Variants in TCTN3 observed in about 807,000 individuals in gnomAD.
TCTN3 encodes tectonic-3.
TCTN3 carries 57 observed loss-of-function variants against 71.3 expected under a neutral mutation model. The ratio of observed to expected loss-of-function variants is 0.80; its 90% CI spans 0.65 to 1.00. TCTN3 has a LOEUF of 1.00. Ranked by LOEUF, TCTN3 falls within the 50% of genes least tolerant of loss-of-function variation. TCTN3 has a pLI of 0.00. For synonymous variants in TCTN3, 258 were observed against 267.8 expected, an observed-to-expected ratio of 0.96 and a Z score of 0.36; for missense variants, 696 against 719.9, an observed-to-expected ratio of 0.97 and a Z score of 0.38.
chr10:95,680,777 T>TC (rs1441923275), intron 12 of TCTN3, among the ~76,000 whole-genome samples, 168 bp from the exon 13 acceptor site: 1 of 132,862 alleles, frequency 7.5e-6, no homozygotes, highest in African/African-American at 2.8e-5. Flanking sequence ...TTATTCCTGA[T>TC]CTTTTTTTTT....
chr10:95,673,274 T>C (rs1441905312), intron 13 of TCTN3, among the ~76,000 whole-genome samples: 1 of 152,148 alleles, frequency 6.6e-6, no homozygotes, highest in Non-Finnish European at 1.5e-5. Flanking sequence ...AAACTTACAG[T>C]CTCTTATGTT....
chr10:95,672,228 G>T (rs1259799608), intron 13 of TCTN3, among the ~76,000 whole-genome samples: 1 of 126,792 alleles, frequency 7.9e-6, no homozygotes, highest in Non-Finnish European at 1.7e-5. Flanking sequence ...GTTGTTTTGT[G>T]TATCAGTAAT....
At chr10:95,692,311 T>G (rs2097954264) in intron 3 of TCTN3, among the ~76,000 whole-genome samples, 1 of 152,026 alleles carries the variant, frequency 6.6e-6, no homozygotes, top group South Asian at 2.1e-4. Context: ...ATCAAGACCA[T>G]CCTGGCCAAC....
At position 95,685,652 on chromosome 10, in the gene TCTN3, A is replaced by G; in HGVS notation, c.889-16T>C. ...GAACCTGGAACTAGCAACGAAAAGA[A>G]GCAAATTAACTAAAACTGAAGGCGG... is the stretch of plus-strand genomic sequence containing the variant. On this transcript the variant is annotated splice_polypyrimidine_tract_variant and intron_variant, in intron 7 of 13. Transcript: ENST00000371217. 6.5e-7 allele frequency: 1 copy of G among 1,544,506 alleles called. No homozygotes were observed. The highest frequency in any genetic ancestry group is 8.8e-7 in the Non-Finnish European group (1 of 1,140,660).
chr10:95,677,803 A>T (rs1258314866), intron 13 of TCTN3, among the ~76,000 whole-genome samples: 1 of 152,144 alleles, frequency 6.6e-6, no homozygotes, highest in African/African-American at 2.4e-5. Flanking sequence ...CTAAAAGTGG[A>T]TATCACCATT....
intron 12 of TCTN3, among the ~76,000 whole-genome samples, chr10:95,681,675 A>G (rs1034949773): frequency 6.6e-6 from 1 of 152,250 alleles, no homozygotes; most frequent in South Asian, 2.1e-4. Context: ...ATTTTTAACC[A>G]GATAATGCAT....
At chr10:95,675,372 GTGAGCCACCA>G (rs1443209487) in intron 13 of TCTN3, among the ~76,000 whole-genome samples, 7 of 152,236 alleles carry the variant, frequency 4.6e-5, no homozygotes, top group African/African-American at 9.6e-5. Flanking sequence ...GATTACAGGT[GTGAGCCACCA>G]TGCCTGGCCG....
At position 95,682,904 on chromosome 10, in the gene TCTN3, T is replaced by C; in HGVS notation, c.1299-100A>G. The C allele has an allele frequency of 4.1e-6, 6 of 1,454,340 alleles. No homozygotes were observed. The South Asian group carries it at 8.1e-5, about 20-fold the overall frequency. The allele number at this position is 1,454,340 out of a possible 1,614,324, so 90.1% of individuals were successfully genotyped here. A position where few individuals can be genotyped will look rare whatever the true frequency, so the allele number is the denominator to read the frequency against. On this transcript the variant is annotated intron_variant, in intron 11 of 13. Transcript: ENST00000371217. Reference sequence around the variant, plus strand: ...ACCAAACATTGGAAATAATATAAAATAGACCAGAGGGTATAATCCTTAGTA... The same window carrying C: ...ACCAAACATTGGAAATAATATAAAACAGACCAGAGGGTATAATCCTTAGTA...
chr10:95,680,817 C>T (rs1436050472), intron 12 of TCTN3, among the ~76,000 whole-genome samples: 1 of 144,792 alleles, frequency 6.9e-6, no homozygotes, highest in African/African-American at 2.6e-5. Flanking sequence ...CTCGCACTGT[C>T]ACCCAGGCTG....
chr10:95,681,487 C>G (rs973732369), intron 12 of TCTN3, among the ~76,000 whole-genome samples: 10 of 152,112 alleles, frequency 6.6e-5, no homozygotes, highest in Non-Finnish European at 1.5e-5. Context: ...AATACAGGAG[C>G]AGTGTAAAGT....
At position 95,664,408 on chromosome 10, in the gene TCTN3, A is replaced by G. The variant is rs892023924; in HGVS notation, c.1591-108T>C. On this transcript the variant is annotated intron_variant, in intron 13 of 13. Transcript: ENST00000371217. ...CTGAAGAGAGAAATGAATTATTCTA[A>G]GCAAGATATACCTTTATCTCATATT... The G allele has an allele frequency of 5.4e-6, 5 of 919,320 alleles. No homozygotes were observed. In the Admixed American group the frequency reaches 6.3e-5, roughly 12 times the overall value. 56.9% of individuals were successfully genotyped at this position (919,320 alleles called of 1,614,324 possible). A position where few individuals can be genotyped will look rare whatever the true frequency, so the allele number is the denominator to read the frequency against.
Position 95,687,097 on chromosome 10 carries a change from T to A in TCTN3, c.799A>T (p.Thr267Ser). The A allele has an allele frequency of 6.2e-7, 1 of 1,614,224 alleles. No homozygotes were observed. The highest frequency in any genetic ancestry group is 8.5e-7 in the Non-Finnish European group (1 of 1,180,030). Reference sequence around the variant, plus strand: ...GCAGCATTGAGGGCTGAATCCAAGGTACAGCTACTAGCCAGGTTCTTGAAA... The same window carrying A: ...GCAGCATTGAGGGCTGAATCCAAGGAACAGCTACTAGCCAGGTTCTTGAAA... ...RFFKNLASSC[T>S]LDSALNAASY... The change falls in exon 6 of 14, where the codon ACC (threonine) becomes TCC (serine). Residue 267 changes from threonine to serine, a missense_variant. Thr to Ser is a moderately conservative substitution (Grantham distance 58, BLOSUM62 1). Transcript: ENST00000371217.
rs2097946410 is a variant in TCTN3, at chr10:95,684,561, G to T, written c.1033C>A (p.Gln345Lys). The T allele has an allele frequency of 6.2e-7, 1 of 1,613,932 alleles. No individual in the cohort carries two copies. The highest frequency in any genetic ancestry group is 8.5e-7 in the Non-Finnish European group (1 of 1,179,944). Reference sequence around the variant, plus strand: ...CCTGGCTCAACAGTCAGGTTGGTTTGTCCCAAACTGACAGAAACTTTCTGG... The same window carrying T: ...CCTGGCTCAACAGTCAGGTTGGTTTTTCCCAAACTGACAGAAACTTTCTGG... The part of the protein sequence containing the change: ...GIQKVSVSLG[Q>K]TNLTVEPGAS... The change falls in exon 9 of 14, where the codon CAA (glutamine) becomes AAA (lysine). Residue 345 changes from glutamine to lysine, a missense_variant. By Grantham distance (53) the Gln-to-Lys change is moderately conservative. Coordinates refer to ENST00000371217, the MANE Select transcript of TCTN3 (RefSeq NM_015631.6).
chr10:95,690,113 A>C (rs1367204069), intron 3 of TCTN3, among the ~76,000 whole-genome samples: 3 of 152,112 alleles, frequency 2.0e-5, no homozygotes, highest in Non-Finnish European at 4.4e-5. Flanking sequence ...CCTCCCAAGT[A>C]GCTGGCACTA....
chr10:95,674,256 G>A (rs1022716701), intron 13 of TCTN3, among the ~76,000 whole-genome samples: 10 of 152,034 alleles, frequency 6.6e-5, no homozygotes, highest in South Asian at 2.1e-4. Flanking sequence ...GCATCTTTTT[G>A]CTAAATTGTT....
chr10:95,683,045 C>T (rs983161479), intron 11 of TCTN3, 56 bp downstream of exon 11: 2 of 1,491,520 alleles, frequency 1.3e-6, no homozygotes, highest in African/African-American at 1.4e-5. Flanking sequence ...ACCATATCAA[C>T]ATATTCCCTA....
chr10:95,683,196 C>G lies in TCTN3; in HGVS notation c.1204-1G>C. On this transcript the variant is annotated splice_acceptor_variant, in intron 10 of 13. Coordinates refer to ENST00000371217, the MANE Select transcript of TCTN3 (RefSeq NM_015631.6). LOFTEE classifies it high-confidence loss of function. Reference sequence around the variant, plus strand: ...TACCCTGGCTCTGTAAGAGGGTCATCCAAGGTGGAAAAGTGATGATCAAGG... The same window carrying G: ...TACCCTGGCTCTGTAAGAGGGTCATGCAAGGTGGAAAAGTGATGATCAAGG... 1 of 1,612,774 alleles carries G rather than the reference C, an allele frequency of 6.2e-7. No homozygotes were observed. The highest frequency in any genetic ancestry group is 1.1e-5 in the South Asian group (1 of 90,760).
chr10:95,671,875 C>T (rs985881517), intron 13 of TCTN3, among the ~76,000 whole-genome samples: 10 of 152,070 alleles, frequency 6.6e-5, no homozygotes, highest in African/African-American at 1.2e-4. Context: ...GGATTACAGG[C>T]GTGAGCCACT....
chr10:95,685,157 T>C (rs1445012933), intron 8 of TCTN3, among the ~76,000 whole-genome samples: 2 of 152,240 alleles, frequency 1.3e-5, no homozygotes, highest in African/African-American at 4.8e-5. Flanking sequence ...CAGATGATAC[T>C]GTGTCAAGAG....
Sources: gnomAD v4.1 joint callset for allele counts (sites outside exome capture counted in the v4.1 genomes callset) on GRCh38, gnomAD v4.1.1 for gene constraint, MANE v1.5 for transcripts, NCBI Gene and HGNC (gene_info 2026-07-23, HGNC 2026-07-21) for gene names.